The following TEC variants were observed in gnomAD, a reference collection of about 807,000 sequenced individuals.
The protein encoded by TEC is tec protein tyrosine kinase, also known as tyrosine-protein kinase Tec.
In TEC, 72 loss-of-function variants were observed where a neutral mutation model predicts 93.0. The ratio of observed to expected loss-of-function variants is 0.77; its 90% CI spans 0.64 to 0.94. The LOEUF (loss-of-function observed/expected upper bound fraction) is 0.94, where lower values mean the gene tolerates loss of function less well. TEC is among the 40% of genes least tolerant of loss of function. The probability of loss-of-function intolerance (pLI) is 0.00; values close to 1 mark genes in which losing one functional copy is unlikely to be tolerated. For synonymous variants in TEC, 249 were observed against 247.7 expected (o/e 1.01, Z -0.05); for missense variants, 630 against 757.9 (o/e 0.83, Z 1.98).
chr4:48,170,535 T>C (rs1721057174), intron 4 of TEC, among the ~76,000 whole-genome samples, 159 bp from the exon 5 acceptor site: 1 of 152,220 alleles, frequency 6.6e-6, no homozygotes, highest in Non-Finnish European at 1.5e-5. Context: ...AGCTCTATAG[T>C]TCTCTTTGAC....
intron 2 of TEC, among the ~76,000 whole-genome samples, chr4:48,186,820 C>T (rs1373005394): frequency 2.7e-5 from 4 of 146,930 alleles, no homozygotes; most frequent in Non-Finnish European, 6.0e-5. Flanking sequence ...GGTTGGGGGG[C>T]GCCTCCGCCC....
rs368052497 is a variant in TEC at position 48,137,458 on chromosome 4, T to A, written c.1854A>T (p.Thr618=). The A allele has an allele frequency of 3.7e-6, 6 of 1,614,188 alleles. No individual in the cohort carries two copies. Residue 618 remains threonine (T), a synonymous_variant, in exon 18 of 18, where the codon ACA becomes ACT. Transcript: ENST00000381501. ...CTTCACATTCAACTAGTTCATCTAT[T>A]GTGCGCAGCAGATCTTCGAAAGAAG... ...GRPSFEDLLR[T]IDELVECEET...
chr4:48,181,622 G>A (rs187469782), intron 2 of TEC, among the ~76,000 whole-genome samples: 83 of 150,182 alleles, frequency 5.5e-4, no homozygotes, highest in Non-Finnish European at 1.2e-3. Context: ...GCAGTGAGCC[G>A]AGATAGTGCC....
chr4:48,170,411 T>TA (rs1368865229), intron 4 of TEC, 35 bp from the exon 5 acceptor site: 2 of 1,270,156 alleles, frequency 1.6e-6, no homozygotes, highest in South Asian at 2.8e-5. Flanking sequence ...AATAGTGAAA[T>TA]ACAAAAGCAA....
At chr4:48,268,127 G>A (rs780166941) in intron 1 of TEC, among the ~76,000 whole-genome samples, 1 of 152,240 alleles carries the variant, frequency 6.6e-6, no homozygotes, top group Non-Finnish European at 1.5e-5. Flanking sequence ...CATAGCTGCT[G>A]CCCTTGAGTA....
At chr4:48,182,447 C>T (rs1311958783) in intron 2 of TEC, among the ~76,000 whole-genome samples, 1 of 151,990 alleles carries the variant, frequency 6.6e-6, no homozygotes, top group Non-Finnish European at 1.5e-5. Flanking sequence ...CTCTATGAAT[C>T]TGCCGAGCTA....
chr4:48,233,780 A>T (rs1723706612), intron 1 of TEC, among the ~76,000 whole-genome samples: 1 of 151,678 alleles, frequency 6.6e-6, no homozygotes, highest in Non-Finnish European at 1.5e-5. Context: ...TAAAAACTCA[A>T]TGGAAAAGTT....
intron 2 of TEC, among the ~76,000 whole-genome samples, chr4:48,208,965 A>G (rs1722804891): frequency 1.3e-5 from 2 of 152,276 alleles, no homozygotes; most frequent in South Asian, 2.1e-4. Context: ...TTTGAATTCA[A>G]TTATCCCACC....
intron 15 of TEC, among the ~76,000 whole-genome samples, chr4:48,140,858 T>C (rs1719627953): frequency 6.6e-6 from 1 of 152,194 alleles, no homozygotes; most frequent in Non-Finnish European, 1.5e-5. Context: ...TCTTCCTCAA[T>C]GTAAGCTGCA....
rs1719541023 is a variant in TEC, at chr4:48,138,834, T to C, written c.1655-12A>G. 1 of 1,613,592 alleles carries C rather than the reference T, an allele frequency of 6.2e-7. No individual in the cohort carries two copies. The highest frequency in any genetic ancestry group is 2.2e-5 in the East Asian group (1 of 44,876). On this transcript the variant is annotated splice_polypyrimidine_tract_variant and intron_variant, in intron 16 of 17. Transcript: ENST00000381501. The stretch of plus-strand genomic sequence containing the variant: ...CCACATTAAAACACCTGGAAAAGGA[T>C]AAGGATTACCAAATGGATGTATCCA...
chr4:48,206,204 GGACAGTTTCT>G (rs1339568810), intron 2 of TEC, among the ~76,000 whole-genome samples: 1 of 152,096 alleles, frequency 6.6e-6, no homozygotes, highest in Non-Finnish European at 1.5e-5. Flanking sequence ...TTCTTAAGGG[GGACAGTTTCT>G]GTTTGGGTTG....
chr4:48,250,777 C>T (rs2109668008), intron 1 of TEC, among the ~76,000 whole-genome samples: 1 of 152,308 alleles, frequency 6.6e-6, no homozygotes, highest in East Asian at 1.9e-4. Context: ...GCCTACCTAA[C>T]CCACAGTGGA....
intron 2 of TEC, among the ~76,000 whole-genome samples, chr4:48,227,694 C>G (rs1299685280): frequency 6.6e-6 from 1 of 150,852 alleles, no homozygotes; most frequent in Non-Finnish European, 1.5e-5. Context: ...CCACTGAAAC[C>G]AATTGCATAA....
chr4:48,157,715 T>C (rs1577707401), intron 8 of TEC, among the ~76,000 whole-genome samples: 1 of 152,158 alleles, frequency 6.6e-6, no homozygotes, highest in Non-Finnish European at 1.5e-5. Flanking sequence ...AGGGTTTCAC[T>C]GTGTTGGCCA....
intron 8 of TEC, among the ~76,000 whole-genome samples, chr4:48,162,853 G>A (rs149521392): frequency 6.6e-6 from 1 of 152,184 alleles, no homozygotes; most frequent in African/African-American, 2.4e-5. Context: ...TGAGCCTCAC[G>A]TTACAACTTG....
At chr4:48,145,782 T>C (rs924296894) in intron 12 of TEC, among the ~76,000 whole-genome samples, 1 of 152,176 alleles carries the variant, frequency 6.6e-6, no homozygotes, top group African/African-American at 2.4e-5. Flanking sequence ...CTAACCAACG[T>C]GAAATGAAGA....
In TEC at chr4:48,197,299, C is replaced by G. The variant is rs149477931; in HGVS notation, c.139-21113G>C. ...CACATGCTCACTCTGCAACCTTGGG[C>G]AAAGTACTCAACCTCTCTGTTCTTT... On this transcript the variant is annotated intron_variant, in intron 2 of 17. Coordinates refer to ENST00000381501, the MANE Select transcript of TEC (RefSeq NM_003215.3). 3.9e-4 allele frequency among the ~76,000 whole-genome samples: 59 copies of G among 152,258 alleles called. No individual in the cohort carries two copies. In the East Asian group the frequency reaches 0.01, roughly 27 times the overall value.
intron 15 of TEC, 114 bp downstream of exon 15, chr4:48,141,241 A>G (rs1719648674): frequency 3.4e-6 from 3 of 883,632 alleles, no homozygotes; most frequent in African/African-American, 3.4e-5. Context: ...ATTTAATCTG[A>G]GAACCAGTTA....
intron 8 of TEC, among the ~76,000 whole-genome samples, chr4:48,157,502 C>T (rs1720449689): frequency 6.6e-6 from 1 of 152,136 alleles, no homozygotes; most frequent in East Asian, 1.9e-4. Flanking sequence ...CATCCCAAGG[C>T]CCTGCCAATC....
Sources: allele counts gnomAD v4.1 joint callset (sites outside exome capture counted in the v4.1 genomes callset), GRCh38; gene constraint gnomAD v4.1.1; transcripts MANE v1.5; gene names NCBI Gene and HGNC (gene_info 2026-07-23, HGNC 2026-07-21).